Variants in ELAPOR1 observed in about 807,000 individuals in gnomAD.
ELAPOR1 encodes the protein endosome/lysosome-associated apoptosis and autophagy regulator 1.
Under a neutral mutation model 119.7 loss-of-function variants are expected in ELAPOR1, and 77 were observed. The observed-to-expected ratio is 0.64, with a 90% CI of 0.54 to 0.78. ELAPOR1 has a LOEUF of 0.78. Ranked by LOEUF, ELAPOR1 falls within the 30% of genes least tolerant of loss-of-function variation. The pLI is 0.00. For synonymous variants in ELAPOR1, 481 were observed against 487.2 expected (o/e 0.99, Z 0.17); for missense variants, 1,115 against 1,270.4 (o/e 0.88, Z 1.86).
chr1:109,165,978 C>T (rs1252705701), intron 3 of ELAPOR1, among the ~76,000 whole-genome samples: 1 of 151,618 alleles, frequency 6.6e-6, no homozygotes, highest in African/African-American at 2.4e-5. Context: ...TGCAGTGGTG[C>T]CCTCTCCGCT....
chr1:109,142,561 G>C (rs146950051), intron 1 of ELAPOR1, among the ~76,000 whole-genome samples: 2 of 152,178 alleles, frequency 1.3e-5, no homozygotes, highest in East Asian at 1.9e-4. Flanking sequence ...GTCCACAGCC[G>C]GGCACTGTCC....
At chr1:109,140,665 A>T (rs999207916) in intron 1 of ELAPOR1, among the ~76,000 whole-genome samples, 2 of 152,164 alleles carry the variant, frequency 1.3e-5, no homozygotes, top group Non-Finnish European at 2.9e-5. Context: ...TAGAAAATAG[A>T]TAGATCTCAG....
Position 109,164,682 on chromosome 1 carries a change from AC to A in ELAPOR1, c.459del (p.Cys154ValfsTer24), listed in dbSNP as rs1244059363. On this transcript the variant is annotated frameshift_variant, in exon 3 of 22. Transcript: ENST00000369939. LOFTEE classifies it high-confidence loss of function. ...GACAGTGCTGCTGAGTCCACCGGGAACTGTACTTCGTGAGTCTGCACACACC... is the reference window on the plus strand; with the variant it reads ...GACAGTGCTGCTGAGTCCACCGGGAATGTACTTCGTGAGTCTGCACACACC... ...LDDSAAESTG[N>X]CTSSKWVPRG... 4 of 1,613,718 alleles carry A rather than the reference AC, an allele frequency of 2.5e-6. No homozygotes were observed. In the Admixed American group the frequency reaches 6.7e-5, roughly 27 times the overall value.
rs1015215940 is a variant in ELAPOR1, at chr1:109,164,554, A to G, written c.330A>G (p.Pro110=). Residue 110 remains proline, a synonymous_variant, in exon 3 of 22, where the codon CCA becomes CCG. Coordinates refer to ENST00000369939, the MANE Select transcript of ELAPOR1 (RefSeq NM_020775.5). ...ATATGAAGGACCAGTCATGTAAGCC[A>G]TGCGCTGAGGGCCGCTACTCCCTCG... ...FLDMKDQSCK[P]CAEGRYSLGT... is the part of the protein sequence containing the mutation. 1 of 1,614,180 alleles carries G rather than the reference A, an allele frequency of 6.2e-7. No individual in the cohort carries two copies. Among genetic ancestry groups the G allele is most frequent in the African/African-American group, 1.3e-5 (1 of 75,056 alleles).
chr1:109,171,927 C>T lies in ELAPOR1; in HGVS notation c.529C>T (p.Leu177=). ...CAACACGGACGAATGCACAGCCACA[C>T]TGATGTACGCCGTCAACCTGAAGCA... ...ASNTDECTAT[L]MYAVNLKQSG... The change falls in exon 4 of 22, where the codon CTG becomes TTG. Residue 177 remains leucine, a synonymous_variant. Coordinates refer to ENST00000369939, the MANE Select transcript of ELAPOR1 (RefSeq NM_020775.5). The T allele has an allele frequency of 6.2e-7, 1 of 1,614,220 alleles. No individual in the cohort carries two copies. Among genetic ancestry groups the T allele is most frequent in the Non-Finnish European group, 8.5e-7 (1 of 1,180,024 alleles).
At chr1:109,197,686 A>AGAGAGAGAGT in intron 16 of ELAPOR1, 32 bp downstream of exon 16, 2 of 1,542,376 alleles carry the variant, frequency 1.3e-6, no homozygotes, top group Non-Finnish European at 1.7e-6. Flanking sequence ...GCCTTGTTTG[A>AGAGAGAGAGT]GAGTGTGTGT....
rs1654494716 is a variant in ELAPOR1 at position 109,206,362 on chromosome 1, G to T, written c.*3350G>T. The stretch of plus-strand genomic sequence containing the variant: ...CAAAGGCTTTAGTCCTTGACCCAGG[G>T]CTAAAGTGGTCTGTCCAAGCTGTTG... On this transcript the variant is annotated 3_prime_UTR_variant, in exon 22 of 22. Transcript: ENST00000369939. The T allele has an allele frequency of 6.6e-6, 1 of 152,212 alleles. No individual in the cohort carries two copies. The highest frequency in any genetic ancestry group is 1.5e-5 in the Non-Finnish European group (1 of 68,046). The allele number at this position is 152,212 out of a possible 1,614,324, so 9.4% of individuals were successfully genotyped here. A position where few individuals can be genotyped will look rare whatever the true frequency, so the allele number is the denominator to read the frequency against.
intron 8 of ELAPOR1, chr1:109,186,894 G>T: frequency 1.0e-6 from 1 of 985,524 alleles, no homozygotes; most frequent in Middle Eastern, 5.2e-4. Context: ...GCCTTTAGAT[G>T]CTGGGTCAGA....
rs141507129 is a variant in ELAPOR1, at chr1:109,153,512, T to C, written c.154-8382T>C. ...TCAGAAAACAAAACTATATACCATA[T>C]GATCTTCATTTGCATGTGTACATGC... On this transcript the variant is annotated intron_variant, in intron 1 of 21. Coordinates refer to ENST00000369939, the MANE Select transcript of ELAPOR1 (RefSeq NM_020775.5). Among the ~76,000 whole-genome samples the C allele has an allele frequency of 3.3e-5, 5 of 152,360 alleles. No homozygotes were observed. The East Asian group carries it at 9.6e-4, about 29-fold the overall frequency.
chr1:109,120,502 C>T (rs1570596189), intron 1 of ELAPOR1, among the ~76,000 whole-genome samples: 1 of 152,290 alleles, frequency 6.6e-6, no homozygotes, highest in South Asian at 2.1e-4. Flanking sequence ...GAGGAATGGG[C>T]CCTCACCGGA....
At position 109,206,744 on chromosome 1, in the gene ELAPOR1, C is replaced by G. The variant is rs540695128; in HGVS notation, c.*3732C>G. ...TGTTAGAAGATGGGTTATTGCATGT[C>G]ACTTTTTTTTTTTGTAAAATAAAAA... On this transcript the variant is annotated 3_prime_UTR_variant, in exon 22 of 22. Coordinates refer to ENST00000369939, the MANE Select transcript of ELAPOR1 (RefSeq NM_020775.5). The G allele has an allele frequency of 2.6e-5, 4 of 151,498 alleles. No individual in the cohort carries two copies. The highest frequency in any genetic ancestry group is 5.9e-5 in the Non-Finnish European group (4 of 67,926). The allele number at this position is 151,498 out of a possible 1,614,324, so 9.4% of individuals were successfully genotyped here.
At chr1:109,119,046 C>T (rs1053105985) in intron 1 of ELAPOR1, among the ~76,000 whole-genome samples, 5 of 151,810 alleles carry the variant, frequency 3.3e-5, no homozygotes, top group Admixed American at 6.6e-5. Flanking sequence ...TACAGGTGCC[C>T]GCCACCATGC....
At chr1:109,173,411 A>G in intron 5 of ELAPOR1, 63 bp from the exon 6 acceptor site, 1 of 1,369,216 alleles carries the variant, frequency 7.3e-7, no homozygotes, top group Non-Finnish European at 1.0e-6. Flanking sequence ...ACAAGAGGCT[A>G]TACCAACAGA....
At chr1:109,151,469 T>C (rs1327965092) in intron 1 of ELAPOR1, among the ~76,000 whole-genome samples, 1 of 152,002 alleles carries the variant, frequency 6.6e-6, no homozygotes, top group Non-Finnish European at 1.5e-5. Flanking sequence ...CCTCAACCAG[T>C]CCATCCACCC....
Position 109,171,346 on chromosome 1 carries a change from G to A in ELAPOR1, c.468-520G>A, listed in dbSNP as rs531214660. On this transcript the variant is annotated intron_variant, in intron 3 of 21. Coordinates refer to ENST00000369939, the MANE Select transcript of ELAPOR1 (RefSeq NM_020775.5). ...GTGGATCACTTGAGGTCAGGAGTTC[G>A]AGACCAGGCTGGCCAACATGGTGAA... 3.9e-5 allele frequency among the ~76,000 whole-genome samples: 6 copies of A among 152,026 alleles called. No homozygotes were observed. In the East Asian group the frequency reaches 9.7e-4, roughly 25 times the overall value.
intron 1 of ELAPOR1, among the ~76,000 whole-genome samples, chr1:109,122,170 A>G (rs1439381210): frequency 6.6e-6 from 1 of 151,190 alleles, no homozygotes; most frequent in Non-Finnish European, 1.5e-5. Context: ...GTCGGGTTCA[A>G]GCGATTCCCA....
intron 1 of ELAPOR1, among the ~76,000 whole-genome samples, chr1:109,115,747 T>C (rs937726668): frequency 2.0e-5 from 3 of 152,230 alleles, no homozygotes; most frequent in Non-Finnish European, 4.4e-5. Flanking sequence ...ATTTTGAAGA[T>C]TCATGAATAT....
At position 109,185,025 on chromosome 1, in the gene ELAPOR1, T is replaced by A; in HGVS notation, c.953-20T>A. The A allele has an allele frequency of 6.3e-7, 1 of 1,599,114 alleles. No individual in the cohort carries two copies. Among genetic ancestry groups the A allele is most frequent in the South Asian group, 1.1e-5 (1 of 90,774 alleles). The stretch of plus-strand genomic sequence containing the variant: ...TTTCTTATGTAACTCCAAATATTTC[T>A]TCTTGCTTTGGCAATTTAGAGAAAG... On this transcript the variant is annotated intron_variant, in intron 7 of 21. Coordinates refer to ENST00000369939, the MANE Select transcript of ELAPOR1 (RefSeq NM_020775.5).
intron 1 of ELAPOR1, among the ~76,000 whole-genome samples, chr1:109,120,462 A>G (rs955242373): frequency 6.6e-6 from 1 of 151,718 alleles, no homozygotes; most frequent in African/African-American, 2.4e-5. Context: ...CCCCTCCACT[A>G]TATGAGGACA....
Sources: gnomAD v4.1 joint callset for allele counts (sites outside exome capture counted in the v4.1 genomes callset) on GRCh38, gnomAD v4.1.1 for gene constraint, MANE v1.5 for transcripts, NCBI Gene and HGNC (gene_info 2026-07-23, HGNC 2026-07-21) for gene names.